The following UBE2E3 variants were observed in gnomAD, a reference collection of about 807,000 sequenced individuals.
UBE2E3 encodes ubiquitin-conjugating enzyme E2 E3.
UBE2E3 carries 5 observed loss-of-function variants against 23.6 expected under a neutral mutation model. That is an observed-to-expected ratio of 0.21 (90% CI 0.11 to 0.44). The LOEUF (loss-of-function observed/expected upper bound fraction) is 0.44, where lower values mean the gene tolerates loss of function less well. Among genes scored for constraint, UBE2E3 ranks in the 20% least tolerant of loss-of-function variants. The probability of loss-of-function intolerance (pLI) is 0.99; values close to 1 mark genes in which losing one functional copy is unlikely to be tolerated. For missense variants in UBE2E3, 81 were observed against 249.8 expected (o/e 0.32, Z 4.55); for synonymous variants, 78 against 87.5 (o/e 0.89, Z 0.60).
At chr2:181,027,142 T>C (rs1685918958) in intron 3 of UBE2E3, among the ~76,000 whole-genome samples, 1 of 151,962 alleles carries the variant, frequency 6.6e-6, no homozygotes, top group Admixed American at 6.6e-5. Flanking sequence ...TGTTAAAATG[T>C]GGTCTACAGC....
At chr2:181,059,826 T>C (rs1279705589) in intron 4 of UBE2E3, among the ~76,000 whole-genome samples, 1 of 151,654 alleles carries the variant, frequency 6.6e-6, no homozygotes, top group Non-Finnish European at 1.5e-5. Flanking sequence ...GAAGACACTT[T>C]TGAGAGCATT....
chr2:180,998,850 A>G (rs1684910837), intron 3 of UBE2E3, among the ~76,000 whole-genome samples: 1 of 152,198 alleles, frequency 6.6e-6, no homozygotes, highest in Non-Finnish European at 1.5e-5. Flanking sequence ...TCCTTCAGAT[A>G]ATCAACAGAT....
At chr2:181,045,591 C>G (rs889880023) in intron 3 of UBE2E3, among the ~76,000 whole-genome samples, 2 of 152,132 alleles carry the variant, frequency 1.3e-5, no homozygotes, top group Non-Finnish European at 2.9e-5. Context: ...GCTCTGTAAG[C>G]TCAGACCAAG....
At chr2:180,989,805 C>T (rs927975874) in intron 3 of UBE2E3, 6 of 1,408,482 alleles carry the variant, frequency 4.3e-6, no homozygotes, top group Non-Finnish European at 5.7e-6. Flanking sequence ...AGTCATATTC[C>T]TCTCATAACC....
At chr2:180,994,216 A>C (rs767199785) in intron 3 of UBE2E3, among the ~76,000 whole-genome samples, 7 of 152,290 alleles carry the variant, frequency 4.6e-5, no homozygotes, top group Non-Finnish European at 8.8e-5. Context: ...AAACCCTAAA[A>C]TAAGCACGTT....
chr2:180,987,479 T>G, intron 3 of UBE2E3: 4 of 1,456,436 alleles, frequency 2.7e-6, no homozygotes, highest in Non-Finnish European at 3.7e-6. Flanking sequence ...AGAGTGTATG[T>G]TCAGATTGAA....
At chr2:181,024,905 C>T (rs1685830881) in intron 3 of UBE2E3, among the ~76,000 whole-genome samples, 1 of 151,896 alleles carries the variant, frequency 6.6e-6, no homozygotes, top group South Asian at 2.1e-4. Flanking sequence ...TAGAATTTCC[C>T]ATGTATTACT....
intron 5 of UBE2E3, among the ~76,000 whole-genome samples, chr2:181,061,014 T>C (rs187076154): frequency 6.6e-6 from 1 of 151,484 alleles, no homozygotes; most frequent in Non-Finnish European, 1.5e-5. Flanking sequence ...AATACCTTCA[T>C]TTAATTTGTT....
chr2:181,029,920 TCTG>T (rs1686022989), intron 3 of UBE2E3, among the ~76,000 whole-genome samples: 1 of 147,976 alleles, frequency 6.8e-6, no homozygotes, highest in Admixed American at 6.8e-5. Context: ...CATTGCAACC[TCTG>T]CCTCCAGGGT....
chr2:180,995,904 A>G (rs1005881505), intron 3 of UBE2E3, among the ~76,000 whole-genome samples: 2 of 151,944 alleles, frequency 1.3e-5, no homozygotes, highest in Non-Finnish European at 2.9e-5. Flanking sequence ...ACTTATTCTC[A>G]TCTCCTATTT....
chr2:181,014,781 T>C (rs1685436440), intron 3 of UBE2E3, among the ~76,000 whole-genome samples: 1 of 152,212 alleles, frequency 6.6e-6, no homozygotes, highest in Admixed American at 6.5e-5. Context: ...TACCTTTATA[T>C]GATGTATAAT....
intron 5 of UBE2E3, among the ~76,000 whole-genome samples, chr2:181,062,329 G>A (rs1490365262): frequency 1.3e-5 from 2 of 151,660 alleles, no homozygotes; most frequent in African/African-American, 4.8e-5. Flanking sequence ...GTTTTCAAGT[G>A]TAAATATTGA....
chr2:181,059,756 C>T (rs538458355), intron 4 of UBE2E3, among the ~76,000 whole-genome samples: 1 of 151,750 alleles, frequency 6.6e-6, no homozygotes, highest in South Asian at 2.1e-4. Context: ...TACTCTCCTC[C>T]TCCCCCACTA....
chr2:181,046,582 A>G (rs1686680463), intron 3 of UBE2E3, among the ~76,000 whole-genome samples: 1 of 152,188 alleles, frequency 6.6e-6, no homozygotes, highest in Non-Finnish European at 1.5e-5. Flanking sequence ...GATTTACAAT[A>G]TATTGGCGAA....
In UBE2E3 at chr2:180,980,712, GCCCTCGCCC is replaced by G. The variant is rs1467011338; in HGVS notation, c.-286_-278del. 6.7e-6 allele frequency: 1 copy of G among 148,702 alleles called. No homozygotes were observed. The highest frequency in any genetic ancestry group is 2.4e-5 in the African/African-American group (1 of 40,912). The allele number at this position is 148,702 out of a possible 1,614,324, so 9.2% of individuals were successfully genotyped here. ...CCCCTCCGCCTCGCCGGGAGCTCGCGCCCTCGCCCAGCCGAGCTCCCACCCCCGCTTTTT... is the reference window on the plus strand; with the variant it reads ...CCCCTCCGCCTCGCCGGGAGCTCGCGAGCCGAGCTCCCACCCCCGCTTTTT... On this transcript the variant is annotated 5_prime_UTR_variant, in exon 1 of 6. Coordinates refer to ENST00000410062, the MANE Select transcript of UBE2E3 (RefSeq NM_006357.4). This position sits in a 1 kb window ranked among gnomAD's most constrained non-coding sequence, Gnocchi z 5.5.
rs1051076482 is a variant in UBE2E3, at chr2:181,021,194, T to C, written c.246-36499T>C. On this transcript the variant is annotated intron_variant, in intron 3 of 5. Transcript: ENST00000410062. The stretch of plus-strand genomic sequence containing the variant: ...CTACGAAACATGAGATTAGTCAGGA[T>C]TGTGATGTTTTTGCTGACAAATAAG... Among the ~76,000 whole-genome samples, 9 of 152,166 alleles carry C rather than the reference T, an allele frequency of 5.9e-5. 1 individual carries two copies. The highest frequency in any genetic ancestry group is 5.9e-4 in the Admixed American group (9 of 15,284).
At chr2:181,010,208 A>G (rs1407290386) in intron 3 of UBE2E3, among the ~76,000 whole-genome samples, 2 of 152,106 alleles carry the variant, frequency 1.3e-5, no homozygotes, top group East Asian at 3.8e-4. Context: ...TATATTATTA[A>G]TTGTGGTTCT....
intron 3 of UBE2E3, among the ~76,000 whole-genome samples, chr2:181,024,790 A>G (rs1390432590): frequency 6.6e-6 from 1 of 152,028 alleles, no homozygotes; most frequent in African/African-American, 2.4e-5. Context: ...CACACTAAAA[A>G]CCAAATATGT....
intron 3 of UBE2E3, among the ~76,000 whole-genome samples, chr2:181,033,888 A>G (rs913400119): frequency 3.9e-5 from 6 of 152,252 alleles, no homozygotes; most frequent in African/African-American, 1.2e-4. Context: ...ACACTTCTCA[A>G]AAGAAGACAT....
Sources: allele counts gnomAD v4.1 joint callset (sites outside exome capture counted in the v4.1 genomes callset), GRCh38; gene constraint gnomAD v4.1.1; non-coding constraint Gnocchi (gnomAD v3.1); transcripts MANE v1.5; gene names NCBI Gene and HGNC (gene_info 2026-07-23, HGNC 2026-07-21).